DNAH3: variants seen among roughly 807,000 people sequenced by gnomAD.
The protein encoded by DNAH3 is axonemal beta dynein heavy chain 3.
Under a neutral mutation model 432.5 loss-of-function variants are expected in DNAH3, and 332 were observed. The observed-to-expected ratio is 0.77, with a 90% CI of 0.70 to 0.84. The LOEUF (loss-of-function observed/expected upper bound fraction) is 0.84. DNAH3 is among the 40% of genes least tolerant of loss of function. The pLI is 0.00. For synonymous variants in DNAH3, 1,956 were observed against 1,900.2 expected, an observed-to-expected ratio of 1.03 and a Z score of -0.76; for missense variants, 4,861 against 5,114.0, an observed-to-expected ratio of 0.95 and a Z score of 1.51.
intron 24 of DNAH3, among the ~76,000 whole-genome samples, chr16:21,065,108 TG>T (rs946824389): frequency 1.8e-4 from 27 of 152,242 alleles, no homozygotes; most frequent in African/African-American, 6.3e-4. Context: ...AGTTAGTAAG[TG>T]TAAAGCACTT....
intron 1 of DNAH3, 61 bp from the exon 3 acceptor site, chr16:21,146,149 G>A (rs2092780444): frequency 8.1e-7 from 1 of 1,239,850 alleles, no homozygotes; most frequent in South Asian, 1.2e-5. Context: ...AAGCCTCTGA[G>A]TTGGTTAGGA....
rs1328088921 is a variant in DNAH3 at position 20,941,865 on chromosome 16, C to T, written c.11512-322G>A. 2.0e-5 allele frequency among the ~76,000 whole-genome samples: 3 copies of T among 152,214 alleles called. No homozygotes were observed. The East Asian group carries it at 5.8e-4, about 29-fold the overall frequency. On this transcript the variant is annotated intron_variant, in intron 58 of 61. Transcript: ENST00000261383. ...TTGAGTCCAGGAGTTTGAGACCAGCCTGGGAAACATAGCGAAACCCAGTTT... is the reference window on the plus strand; with the variant it reads ...TTGAGTCCAGGAGTTTGAGACCAGCTTGGGAAACATAGCGAAACCCAGTTT...
exon 22 of DNAH3, chr16:21,070,760 G>T: frequency 6.2e-7 from 1 of 1,613,550 alleles, no homozygotes; most frequent in Non-Finnish European, 8.5e-7. Flanking sequence ...CACATGGTCT[G>T]GGTCTTTATC....
intron 56 of DNAH3, among the ~76,000 whole-genome samples, chr16:20,949,368 C>CA (rs71149201): frequency 0.082 from 11,825 of 143,582 alleles, 553 homozygotes; most frequent in East Asian, 0.18. Context: ...AAAACAGAAA[C>CA]AAAAAAAAAG....
At chr16:21,037,107 G>C (rs569911646) in intron 34 of DNAH3, among the ~76,000 whole-genome samples, 1 of 152,206 alleles carries the variant, frequency 6.6e-6, no homozygotes, top group South Asian at 2.1e-4. Context: ...TCAGGAGTTC[G>C]AGACCAGCCT....
intron 53 of DNAH3, among the ~76,000 whole-genome samples, chr16:20,962,192 A>T (rs1050181192): frequency 2.0e-5 from 3 of 151,814 alleles, no homozygotes; most frequent in African/African-American, 7.3e-5. Context: ...ATAATAATTA[A>T]AAAAAATAAT....
At chr16:20,948,338 G>A (rs2084147517) in intron 57 of DNAH3, 145 bp downstream of exon 57, 3 of 803,248 alleles carry the variant, frequency 3.7e-6, no homozygotes, top group Non-Finnish European at 3.9e-6. Flanking sequence ...GCAGGCTTTT[G>A]GGAATATTGG....
exon 53 of DNAH3, chr16:20,964,065 G>T (rs1420318360): frequency 3.1e-6 from 5 of 1,614,180 alleles, no homozygotes; most frequent in Non-Finnish European, 3.4e-6. Flanking sequence ...GTTTCTCTGA[G>T]ATCTCTTCAG....
intron 57 of DNAH3, among the ~76,000 whole-genome samples, chr16:20,947,124 C>G (rs1036057246): frequency 7.2e-5 from 11 of 152,030 alleles, no homozygotes; most frequent in Admixed American, 2.0e-4. Context: ...TGCACCTGAC[C>G]TGATTGTGAG....
In DNAH3 at chr16:21,127,697, G is replaced by C. The variant is rs1372581152; in HGVS notation, c.1198C>G (p.Leu400Val). 1.9e-6 allele frequency: 3 copies of C among 1,614,094 alleles called. No individual in the cohort carries two copies. In the South Asian group the frequency reaches 3.3e-5, roughly 18 times the overall value. Residue 400 changes from leucine to valine, a missense_variant, in exon 8 of 62, where the codon CTT (leucine) becomes GTT (valine). By Grantham distance (32) the Leu-to-Val change is conservative. Transcript: ENST00000261383. Reference sequence around the variant, plus strand: ...AGGGCAGATACTGACTTGTTGAGAAGAGTCTGGTGTGCCTCCAGGCAGTGT... The same window carrying C: ...AGGGCAGATACTGACTTGTTGAGAACAGTCTGGTGTGCCTCCAGGCAGTGT...
intron 53 of DNAH3, 39 bp from the exon 54 acceptor site, chr16:20,959,443 G>A: frequency 1.3e-6 from 2 of 1,590,546 alleles, no homozygotes; most frequent in African/African-American, 1.3e-5. Flanking sequence ...AAAGACGACA[G>A]GCCAGCTAAC....
chr16:21,051,605 C>T (rs1168609428), intron 29 of DNAH3, 65 bp downstream of exon 29: 1 of 1,538,844 alleles, frequency 6.5e-7, no homozygotes, highest in African/African-American at 1.4e-5. Flanking sequence ...TAACTTTCCT[C>T]CCCAGAGTCT....
At chr16:21,098,438 C>CA (rs57032212) in intron 17 of DNAH3, among the ~76,000 whole-genome samples, 178 bp downstream of exon 17, 3,878 of 62,184 alleles carry the variant, frequency 0.062, 89 homozygotes, top group South Asian at 0.083. Flanking sequence ...GACCTTGTCT[C>CA]AAAAAAAAAA....
chr16:21,139,137 A>G (rs2092684333), intron 5 of DNAH3, among the ~76,000 whole-genome samples: 1 of 152,078 alleles, frequency 6.6e-6, no homozygotes, highest in South Asian at 2.1e-4. Flanking sequence ...ATCTATCTAG[A>G]GCCAGGCAGG....
At chr16:20,987,885 G>C in intron 45 of DNAH3, 36 bp from the exon 46 acceptor site, 1 of 1,613,928 alleles carries the variant, frequency 6.2e-7, no homozygotes, top group Non-Finnish European at 8.5e-7. Context: ...AGTCAAGGAG[G>C]GGCCAGAAAC....
At chr16:20,988,153 T>C in intron 44 of DNAH3, 88 bp from the exon 45 acceptor site, 3 of 1,540,414 alleles carry the variant, frequency 1.9e-6, no homozygotes, top group Non-Finnish European at 2.6e-6. Flanking sequence ...GAGGTGGCTT[T>C]GCCTTCTGCC....
At chr16:21,111,748 C>T (rs533566785) in exon 14 of DNAH3, 67 of 1,613,898 alleles carry the variant, frequency 4.2e-5, no homozygotes, top group Non-Finnish European at 5.3e-5. Flanking sequence ...TGGCTAAAGG[C>T]ACGGTGATGT....
Position 20,954,806 on chromosome 16 carries a change from C to T in DNAH3, c.11071+7G>A, listed in dbSNP as rs762635915. 2.5e-6 allele frequency: 4 copies of T among 1,613,374 alleles called. No individual in the cohort carries two copies. Among genetic ancestry groups the T allele is most frequent in the South Asian group, 2.2e-5 (2 of 90,974 alleles). ...TCAGGCCACTCAGGTGCACTGTCAT[C>T]GCTTACCTAGGGGGCCGAAGTTTCT... On this transcript the variant is annotated splice_region_variant and intron_variant, in intron 55 of 61. Coordinates refer to ENST00000261383, the Ensembl canonical transcript of DNAH3.
At position 21,069,404 on chromosome 16, in the gene DNAH3, T is replaced by C; in HGVS notation, c.3381+11A>G. ...TCTGCTGGTAAGAGTTATTAGGGTA[T>C]AAAAACTTACCGCTTGGGACATAAG... On this transcript the variant is annotated intron_variant, in intron 23 of 61. Transcript: ENST00000261383. 2 of 1,611,922 alleles carry C rather than the reference T, an allele frequency of 1.2e-6. No homozygotes were observed. Among genetic ancestry groups the C allele is most frequent in the Non-Finnish European group, 1.7e-6 (2 of 1,178,888 alleles).
Sources: gnomAD v4.1 joint callset for allele counts (sites outside exome capture counted in the v4.1 genomes callset) on GRCh38, gnomAD v4.1.1 for gene constraint, MANE v1.5 for transcripts, NCBI Gene and HGNC (gene_info 2026-07-23, HGNC 2026-07-21) for gene names.